DOCK3: variants seen among roughly 807,000 people sequenced by gnomAD.
DOCK3 encodes the protein dedicator of cytokinesis 3, also known as dedicator of cytokinesis protein 3.
Under a neutral mutation model 265.6 loss-of-function variants are expected in DOCK3, and 60 were observed. The ratio of observed to expected loss-of-function variants is 0.23; its 90% CI spans 0.18 to 0.28. The LOEUF is 0.28. Ranked by LOEUF, DOCK3 falls within the 10% of genes least tolerant of loss-of-function variation. DOCK3 has a pLI of 1.00. For synonymous variants in DOCK3, 881 were observed against 938.0 expected (o/e 0.94, Z 1.11); for missense variants, 1,981 against 2,594.3 (o/e 0.76, Z 5.14).
chr3:51,119,615 G>T (rs2083918329), intron 9 of DOCK3, among the ~76,000 whole-genome samples: 1 of 152,050 alleles, frequency 6.6e-6, no homozygotes, highest in Non-Finnish European at 1.5e-5. Flanking sequence ...TCAAATGTAG[G>T]TTTGGTCTTT....
At chr3:50,722,252 C>A (rs7629253) in intron 1 of DOCK3, among the ~76,000 whole-genome samples, 137,838 of 152,214 alleles carry the variant, frequency 0.91, 62,567 homozygotes, top group African/African-American at 0.95. Flanking sequence ...CTGGGGCATA[C>A]AAGGCTGGCA....
intron 12 of DOCK3, among the ~76,000 whole-genome samples, chr3:51,208,166 A>G (rs2089319630): frequency 6.6e-6 from 1 of 152,214 alleles, no homozygotes; most frequent in Non-Finnish European, 1.5e-5. Flanking sequence ...ATTCTTACAC[A>G]TTTAGGCATC....
intron 27 of DOCK3, among the ~76,000 whole-genome samples, chr3:51,290,999 C>A (rs1292904504): frequency 6.6e-6 from 1 of 152,124 alleles, no homozygotes; most frequent in Non-Finnish European, 1.5e-5. Flanking sequence ...ATTGTTTGAA[C>A]CCGGGAGGTG....
At chr3:51,159,937 T>C (rs1178193611) in intron 11 of DOCK3, among the ~76,000 whole-genome samples, 2 of 152,220 alleles carry the variant, frequency 1.3e-5, no homozygotes, top group Non-Finnish European at 2.9e-5. Flanking sequence ...TATCAAAGAA[T>C]ATTTTTTAAT....
intron 1 of DOCK3, among the ~76,000 whole-genome samples, chr3:50,727,880 C>T (rs1189385553): frequency 2.2e-4 from 34 of 152,066 alleles, no homozygotes; most frequent in South Asian, 2.1e-4. Context: ...TTTTAACATC[C>T]GTTTTTTAGT....
intron 2 of DOCK3, among the ~76,000 whole-genome samples, chr3:50,814,416 C>A (rs1307959923): frequency 7.7e-6 from 1 of 130,212 alleles, no homozygotes; most frequent in Non-Finnish European, 1.6e-5. Context: ...ACAGGCACAC[C>A]CCACCATGCC....
intron 3 of DOCK3, among the ~76,000 whole-genome samples, chr3:50,870,976 T>C (rs1420189372): frequency 2.6e-5 from 4 of 152,148 alleles, no homozygotes; most frequent in Admixed American, 2.0e-4. Flanking sequence ...TGAATAGTTG[T>C]AGTTATTATT....
chr3:51,196,476 G>A (rs1182591442), intron 12 of DOCK3, among the ~76,000 whole-genome samples: 1 of 151,994 alleles, frequency 6.6e-6, no homozygotes, highest in African/African-American at 2.4e-5. Context: ...TTTCATTTTT[G>A]TTTGGTTAAA....
At chr3:51,168,441 G>A (rs2086511793) in intron 12 of DOCK3, among the ~76,000 whole-genome samples, 1 of 152,046 alleles carries the variant, frequency 6.6e-6, no homozygotes, top group South Asian at 2.1e-4. Context: ...AAGGCAGCAT[G>A]CCTACAACAA....
intron 22 of DOCK3, among the ~76,000 whole-genome samples, chr3:51,258,548 G>C (rs1266326015): frequency 6.6e-6 from 1 of 152,048 alleles, no homozygotes; most frequent in Admixed American, 6.6e-5. Context: ...CAGTTCACCA[G>C]GCTGGAGTGC....
intron 7 of DOCK3, among the ~76,000 whole-genome samples, chr3:51,080,919 CT>C (rs1246659890): frequency 1.4e-5 from 2 of 147,286 alleles, no homozygotes; most frequent in African/African-American, 2.5e-5. Flanking sequence ...TTTTTTTTTA[CT>C]TTTTTGAAAC....
At chr3:50,982,223 C>T (rs1014597411) in intron 5 of DOCK3, among the ~76,000 whole-genome samples, 21 of 152,098 alleles carry the variant, frequency 1.4e-4, no homozygotes, top group African/African-American at 4.1e-4. Context: ...AAAATCCATT[C>T]GGTCTGTATA....
At chr3:51,031,701 T>A (rs1251489097) in intron 5 of DOCK3, among the ~76,000 whole-genome samples, 4 of 152,172 alleles carry the variant, frequency 2.6e-5, no homozygotes. Flanking sequence ...TAAATTCATG[T>A]CGAAACTTAA....
At chr3:51,309,561 G>C (rs2082934359) in intron 27 of DOCK3, among the ~76,000 whole-genome samples, 2 of 152,220 alleles carry the variant, frequency 1.3e-5, no homozygotes, top group Admixed American at 1.3e-4. Flanking sequence ...CTCGGCATCA[G>C]AGGGAGACCA....
intron 22 of DOCK3, among the ~76,000 whole-genome samples, chr3:51,257,292 A>G (rs2079600714): frequency 6.6e-6 from 1 of 152,140 alleles, no homozygotes; most frequent in African/African-American, 2.4e-5. Context: ...CTTCTTCTTC[A>G]TAGGATGCAT....
intron 14 of DOCK3, among the ~76,000 whole-genome samples, chr3:51,216,754 C>G (rs1341122563): frequency 2.0e-5 from 3 of 152,158 alleles, no homozygotes; most frequent in Non-Finnish European, 1.5e-5. Flanking sequence ...ATTGGATCAA[C>G]AGGAAAAGTG....
intron 1 of DOCK3, among the ~76,000 whole-genome samples, chr3:50,714,429 A>T (rs556616111): frequency 6.6e-6 from 1 of 152,048 alleles, no homozygotes; most frequent in African/African-American, 2.4e-5. Context: ...ATTCTCTGTA[A>T]CCTGCTGTTC....
At chr3:51,190,199 A>G (rs1028436518) in intron 12 of DOCK3, among the ~76,000 whole-genome samples, 2 of 152,166 alleles carry the variant, frequency 1.3e-5, no homozygotes, top group African/African-American at 2.4e-5. Flanking sequence ...CCCCCTTTCC[A>G]TAAGAGTAAG....
intron 1 of DOCK3, among the ~76,000 whole-genome samples, chr3:50,685,101 C>G (rs1240509949): frequency 6.6e-6 from 1 of 151,784 alleles, no homozygotes; most frequent in Non-Finnish European, 1.5e-5. Context: ...GTCTTATAAT[C>G]TACTTTTATT....
Sources: gnomAD v4.1 joint callset for allele counts (sites outside exome capture counted in the v4.1 genomes callset) on GRCh38, gnomAD v4.1.1 for gene constraint, MANE v1.5 for transcripts, NCBI Gene and HGNC (gene_info 2026-07-23, HGNC 2026-07-21) for gene names.